OLFM3: variants seen among roughly 807,000 people sequenced by gnomAD.
OLFM3 encodes olfactomedin 3.
In OLFM3, 20 loss-of-function variants were observed where a neutral mutation model predicts 48.6. The observed-to-expected ratio is 0.41, with a 90% CI of 0.29 to 0.60. The LOEUF is 0.60. OLFM3 is among the 20% of genes least tolerant of loss of function. OLFM3 has a pLI of 0.28. For synonymous variants in OLFM3, 222 were observed against 198.1 expected, an observed-to-expected ratio of 1.12 and a Z score of -1.01; for missense variants, 437 against 544.3, an observed-to-expected ratio of 0.80 and a Z score of 1.96.
rs142438664 is a variant in OLFM3, at chr1:101,948,512, T to A, written c.69+48236A>T. ...CTTGAGTCAGATTTGTTTAGGTAAT[T>A]TTTTTTGCCAATTATTTTTTAGTTT... On this transcript the variant is annotated intron_variant, in intron 1 of 5. Coordinates refer to ENST00000370103, the MANE Select transcript of OLFM3 (RefSeq NM_058170.4). 4.5e-3 allele frequency among the ~76,000 whole-genome samples: 686 copies of A among 152,162 alleles called. 9 individuals are homozygous for A. Among genetic ancestry groups the A allele is most frequent in the African/African-American group, 0.016 (654 of 41,546 alleles).
chr1:101,959,050 G>C (rs12131161), intron 1 of OLFM3, among the ~76,000 whole-genome samples: 63,482 of 150,672 alleles, frequency 0.42, 13,787 homozygotes, highest in Non-Finnish European at 0.46. Context: ...CCCATTCCCC[G>C]CTTCCCACCC....
chr1:101,830,684 G>T lies in OLFM3; in HGVS notation c.360C>A (p.Thr120=). The stretch of plus-strand genomic sequence containing the variant: ...AAGTCAAACCTACCTGAAAATGCTT[G>T]GTCATAAGTGTCTTTCGATCATCTT... ...QIEDDRKTLM[T]KHFQELKEKM... is the part of the protein sequence containing the mutation. Residue 120 remains threonine (T), a synonymous_variant, in exon 3 of 6, where the codon ACC becomes ACA. Transcript: ENST00000370103. 2 of 1,614,086 alleles carry T rather than the reference G, an allele frequency of 1.2e-6. No individual in the cohort carries two copies. The highest frequency in any genetic ancestry group is 3.3e-4 in the Middle Eastern group (2 of 6,062).
intron 2 of OLFM3, among the ~76,000 whole-genome samples, chr1:101,835,734 T>A (rs985005084): frequency 6.6e-6 from 1 of 152,102 alleles, no homozygotes; most frequent in African/African-American, 2.4e-5. Flanking sequence ...GATCTTGCCA[T>A]AAAAGGAGGC....
chr1:101,849,714 A>C (rs1391752562), intron 1 of OLFM3, among the ~76,000 whole-genome samples: 2 of 152,180 alleles, frequency 1.3e-5, no homozygotes, highest in Non-Finnish European at 2.9e-5. Flanking sequence ...TGAGGTTCAA[A>C]AGGATGAATT....
chr1:101,806,057 G>T lies in OLFM3; in HGVS notation c.699+19C>A, dbSNP rs368510271. On this transcript the variant is annotated intron_variant, in intron 5 of 5. Coordinates refer to ENST00000370103, the MANE Select transcript of OLFM3 (RefSeq NM_058170.4). ...GCAGAACTTAATTCTAAGCAAAGGT[G>T]TTTGTGGGAGAAACATACTCTGTTG... 2.6e-6 allele frequency: 4 copies of T among 1,563,730 alleles called. No homozygotes were observed. Among genetic ancestry groups the T allele is most frequent in the Non-Finnish European group, 3.5e-6 (4 of 1,134,888 alleles).
intron 1 of OLFM3, among the ~76,000 whole-genome samples, chr1:101,889,927 A>C (rs977770887): frequency 6.6e-6 from 1 of 152,078 alleles, no homozygotes; most frequent in Non-Finnish European, 1.5e-5. Flanking sequence ...ATGATAAAAA[A>C]GTCAGAAAAG....
intron 1 of OLFM3, among the ~76,000 whole-genome samples, chr1:101,920,059 C>T (rs913665567): frequency 1.3e-5 from 2 of 152,130 alleles, no homozygotes; most frequent in African/African-American, 4.8e-5. Context: ...AAACCTAGTT[C>T]CAGAATATGA....
At chr1:101,890,440 G>T (rs1657946520) in intron 1 of OLFM3, among the ~76,000 whole-genome samples, 1 of 151,848 alleles carries the variant, frequency 6.6e-6, no homozygotes, top group African/African-American at 2.4e-5. Flanking sequence ...AGGACAAGGA[G>T]TGATATTAGT....
chr1:101,803,176 A>C lies in OLFM3; in HGVS notation c.*1062T>G, dbSNP rs1276037754. On this transcript the variant is annotated 3_prime_UTR_variant, in exon 6 of 6. Coordinates refer to ENST00000370103, the MANE Select transcript of OLFM3 (RefSeq NM_058170.4). ...CATTACAGAATTTTTTTTTTCTAAG[A>C]GTTTTCAAATGTGCTTATTTTCAGG... 2 of 151,962 alleles carry C rather than the reference A, an allele frequency of 1.3e-5. No individual in the cohort carries two copies. The highest frequency in any genetic ancestry group is 3.9e-4 in the East Asian group (2 of 5,140). 9.4% of individuals were successfully genotyped at this position (151,962 alleles called of 1,614,324 possible).
chr1:101,975,127 T>C (rs1051019339), intron 1 of OLFM3, among the ~76,000 whole-genome samples: 1 of 152,212 alleles, frequency 6.6e-6, no homozygotes, highest in Non-Finnish European at 1.5e-5. Flanking sequence ...AAGCAAATTA[T>C]TTCAATTATC....
chr1:101,836,909 T>C lies in OLFM3; in HGVS notation c.186A>G (p.Lys62=). The change falls in exon 2 of 6, where the codon AAA becomes AAG. Residue 62 remains lysine (K), a synonymous_variant. Coordinates refer to ENST00000370103, the MANE Select transcript of OLFM3 (RefSeq NM_058170.4). ...CCAGTAGTTGGCGAAGTTGCCTGCT[T>C]TTGGCATCCCGGGAACACAGGTTTT... ...PEQNLCSRDA[K]SRQLRQLLEK... 6.2e-7 allele frequency: 1 copy of C among 1,614,162 alleles called. No individual in the cohort carries two copies. The highest frequency in any genetic ancestry group is 8.5e-7 in the Non-Finnish European group (1 of 1,180,010).
chr1:101,833,422 G>A (rs1244266484), intron 2 of OLFM3, among the ~76,000 whole-genome samples: 1 of 152,182 alleles, frequency 6.6e-6, no homozygotes, highest in Non-Finnish European at 1.5e-5. Flanking sequence ...GGCCTACAGA[G>A]CATCAGTTTC....
intron 1 of OLFM3, among the ~76,000 whole-genome samples, chr1:101,841,374 C>T (rs924216581): frequency 2.6e-5 from 4 of 152,130 alleles, no homozygotes; most frequent in African/African-American, 7.2e-5. Flanking sequence ...TTTGTTAATG[C>T]CATATATAGG....
chr1:101,974,938 A>G (rs933013488), intron 1 of OLFM3, among the ~76,000 whole-genome samples: 2 of 152,150 alleles, frequency 1.3e-5, no homozygotes, highest in East Asian at 1.9e-4. Flanking sequence ...TCCATCTTTC[A>G]TAAAAGAGAT....
At chr1:101,813,386 T>C (rs949307989) in intron 4 of OLFM3, among the ~76,000 whole-genome samples, 11 of 152,186 alleles carry the variant, frequency 7.2e-5, no homozygotes, top group African/African-American at 2.7e-4. Context: ...ACTCATAAGC[T>C]GTCAACATAG....
At chr1:101,986,875 G>C (rs928422038) in intron 1 of OLFM3, among the ~76,000 whole-genome samples, 16 of 152,070 alleles carry the variant, frequency 1.1e-4, no homozygotes, top group Admixed American at 8.5e-4. Flanking sequence ...GTAGGGGTTG[G>C]GGGATGTAGG....
intron 1 of OLFM3, among the ~76,000 whole-genome samples, chr1:101,853,075 C>T (rs1656285169): frequency 6.6e-6 from 1 of 152,010 alleles, no homozygotes; most frequent in African/African-American, 2.4e-5. Flanking sequence ...TATGTTATTC[C>T]AGTGCCTAGA....
chr1:101,885,282 G>T (rs1472490631), intron 1 of OLFM3, among the ~76,000 whole-genome samples: 1 of 152,040 alleles, frequency 6.6e-6, no homozygotes, highest in African/African-American at 2.4e-5. Flanking sequence ...ACTTTATGGA[G>T]ATGGGAGCTT....
chr1:101,949,395 C>G (rs1409530678), intron 1 of OLFM3, among the ~76,000 whole-genome samples: 1 of 152,164 alleles, frequency 6.6e-6, no homozygotes, highest in Non-Finnish European at 1.5e-5. Flanking sequence ...CACGTACATG[C>G]TGAGGTTTCT....
Sources: allele counts gnomAD v4.1 joint callset (sites outside exome capture counted in the v4.1 genomes callset), GRCh38; gene constraint gnomAD v4.1.1; transcripts MANE v1.5; gene names NCBI Gene and HGNC (gene_info 2026-07-23, HGNC 2026-07-21).